PRR16: variants seen among roughly 807,000 people sequenced by gnomAD.
The protein encoded by PRR16 is protein Largen.
Under a neutral mutation model 18.2 loss-of-function variants are expected in PRR16, and 6 were observed. The observed-to-expected ratio is 0.33, with a 90% CI of 0.18 to 0.65. The LOEUF is 0.65. Among genes scored for constraint, PRR16 ranks in the 30% least tolerant of loss-of-function variants. PRR16 has a pLI of 0.74. For synonymous variants in PRR16, 151 were observed against 147.8 expected, an observed-to-expected ratio of 1.02 and a Z score of -0.16; for missense variants, 412 against 376.6, an observed-to-expected ratio of 1.09 and a Z score of -0.78.
At chr5:120,691,293 C>A (rs749391501), downstream of PRR16, among the ~76,000 whole-genome samples, 2 of 152,090 alleles carry the variant, frequency 1.3e-5, no homozygotes, top group African/African-American at 4.8e-5. Flanking sequence ...GTTATTTTGA[C>A]GCTTGAAAGG....
At chr5:120,615,339 A>G (rs1395349107) in intron 1 of PRR16, among the ~76,000 whole-genome samples, 1 of 150,074 alleles carries the variant, frequency 6.7e-6, no homozygotes, top group Admixed American at 6.6e-5. Context: ...ATTCTCTTCT[A>G]TAGGCCCTTA....
In PRR16 at chr5:120,561,706, A is replaced by C. The variant is rs574620860; in HGVS notation, c.159+97061A>C. On this transcript the variant is annotated intron_variant, in intron 1 of 1. Transcript: ENST00000407149. ...TTCCCAGGTGTTGTAGGAGGGACCC[A>C]GTGGGAGATAATTGAATCATGGGGT... is the stretch of plus-strand genomic sequence containing the variant. Among the ~76,000 whole-genome samples, 6 of 152,280 alleles carry C rather than the reference A, an allele frequency of 3.9e-5. No homozygotes were observed. The East Asian group carries it at 1.2e-3, about 29-fold the overall frequency.
intron 1 of PRR16, among the ~76,000 whole-genome samples, chr5:120,645,859 A>G (rs570936760): frequency 4.2e-4 from 64 of 151,920 alleles, no homozygotes; most frequent in African/African-American, 1.5e-3. Context: ...AATATACACC[A>G]TGTAATCTTG....
At chr5:120,464,289 C>G, upstream of PRR16, 1 of 394,758 alleles carries the variant, frequency 2.5e-6, no homozygotes, top group Non-Finnish European at 4.2e-6. Context: ...AGCCGAGCGC[C>G]GCGTCTCGGG....
chr5:120,469,671 T>G (rs1749208461), intron 1 of PRR16, among the ~76,000 whole-genome samples: 1 of 152,094 alleles, frequency 6.6e-6, no homozygotes, highest in African/African-American at 2.4e-5. Flanking sequence ...TAAATAGAAT[T>G]TAGTAGTTCT....
intron 1 of PRR16, among the ~76,000 whole-genome samples, chr5:120,507,335 G>A (rs17146693): frequency 0.079 from 11,938 of 152,070 alleles, 1,112 homozygotes; most frequent in African/African-American, 0.23. Flanking sequence ...ATTTTTGATG[G>A]AATATGTACA....
the PRR16 span, among the ~76,000 whole-genome samples, chr5:120,753,877 T>TA: frequency 1.5e-5 from 2 of 129,132 alleles, no homozygotes. Context: ...ATATTATATA[T>TA]TTATATATTA....
At chr5:120,640,210 A>G (rs780859784) in intron 1 of PRR16, among the ~76,000 whole-genome samples, 1 of 152,102 alleles carries the variant, frequency 6.6e-6, no homozygotes, top group Non-Finnish European at 1.5e-5. Flanking sequence ...TTCAATACCC[A>G]GATGACAGGA....
chr5:120,770,926 A>ACACTCTCTCT, the PRR16 span, among the ~76,000 whole-genome samples: 1 of 131,362 alleles, frequency 7.6e-6, no homozygotes, highest in Non-Finnish European at 1.6e-5. Context: ...TCATTGGAAC[A>ACACTCTCTCT]CTCTCTCTCT....
chr5:120,766,522 CTTTGTGGGTTATGTTTTCATTA>C, the PRR16 span, among the ~76,000 whole-genome samples: 1 of 151,876 alleles, frequency 6.6e-6, no homozygotes, highest in African/African-American at 2.4e-5. Context: ...AAACATCTTT[CTTTGTGGGTTATGTTTTCATTA>C]TCAAAGTGGT....
chr5:120,662,895 C>A (rs1450158828), intron 1 of PRR16, among the ~76,000 whole-genome samples: 1 of 152,080 alleles, frequency 6.6e-6, no homozygotes, highest in Non-Finnish European at 1.5e-5. Context: ...ACTCTTTGTA[C>A]TTATTGTAGA....
chr5:120,706,137 A>G, the PRR16 span, among the ~76,000 whole-genome samples: 1 of 152,298 alleles, frequency 6.6e-6, no homozygotes, highest in African/African-American at 2.4e-5. Flanking sequence ...ATTAGTGAAG[A>G]TGACAATTTT....
chr5:120,784,528 A>AAAC, the PRR16 span, among the ~76,000 whole-genome samples: 57 of 152,322 alleles, frequency 3.7e-4, no homozygotes, highest in African/African-American at 1.3e-3. Flanking sequence ...AAATATTTGC[A>AAAC]AACTATTCAA....
intron 1 of PRR16, among the ~76,000 whole-genome samples, chr5:120,665,087 T>A (rs1355478877): frequency 1.5e-5 from 2 of 135,094 alleles, no homozygotes; most frequent in African/African-American, 5.3e-5. Context: ...TGTAAAAGTG[T>A]TCCTATTTCT....
At chr5:120,719,385 T>C in the PRR16 span, among the ~76,000 whole-genome samples, 1 of 152,044 alleles carries the variant, frequency 6.6e-6, no homozygotes, top group African/African-American at 2.4e-5. Flanking sequence ...TGTATTGGTA[T>C]ACTAAACATC....
the PRR16 span, among the ~76,000 whole-genome samples, chr5:120,701,149 G>T: frequency 6.6e-6 from 1 of 152,180 alleles, no homozygotes; most frequent in African/African-American, 2.4e-5. Context: ...GCTGGGGTTT[G>T]TCTCACAGTG....
the PRR16 span, among the ~76,000 whole-genome samples, chr5:120,707,299 C>T: frequency 3.3e-5 from 5 of 152,044 alleles, no homozygotes; most frequent in African/African-American, 1.2e-4. Flanking sequence ...GAGACGTGAC[C>T]ATAATTCTAA....
chr5:120,637,478 A>G (rs1198307050), intron 1 of PRR16, among the ~76,000 whole-genome samples: 1 of 152,160 alleles, frequency 6.6e-6, no homozygotes, highest in Non-Finnish European at 1.5e-5. Context: ...AGCCATAAAA[A>G]GGAATGAAAT....
At chr5:120,788,950 T>G in the PRR16 span, among the ~76,000 whole-genome samples, 1 of 152,044 alleles carries the variant, frequency 6.6e-6, no homozygotes, top group Non-Finnish European at 1.5e-5. Context: ...AATAGAATAG[T>G]GACTAGTAAT....
Sources: allele counts gnomAD v4.1 joint callset (sites outside exome capture counted in the v4.1 genomes callset), GRCh38; gene constraint gnomAD v4.1.1; transcripts MANE v1.5; gene names NCBI Gene and HGNC (gene_info 2026-07-23, HGNC 2026-07-21).